The following EYS variants were observed in gnomAD, a reference collection of about 807,000 sequenced individuals.
EYS encodes protein eyes shut homolog.
Under a neutral mutation model 282.1 loss-of-function variants are expected in EYS, and 250 were observed. The ratio of observed to expected loss-of-function variants is 0.89; its 90% confidence interval spans 0.80 to 0.98. The LOEUF (loss-of-function observed/expected upper bound fraction) is 0.98. Ranked by LOEUF, EYS falls within the 50% of genes least tolerant of loss-of-function variation. The pLI, the probability that EYS is intolerant of heterozygous loss-of-function variation, is 0.00. For synonymous variants in EYS, 1,355 were observed against 1,282.9 expected (o/e 1.06, Z -1.20); for missense variants, 4,016 against 3,709.0 (o/e 1.08, Z -2.15).
rs1199002175 is a variant in EYS, at chr6:64,802,023, C to CTTTTTTTTTTTTTTTTTTTTTTTTTTTTT, written c.3443+11354_3443+11355insAAAAAAAAAAAAAAAAAAAAAAAAAAAAA. 2.8e-5 allele frequency among the ~76,000 whole-genome samples: 2 copies of CTTTTTTTTTTTTTTTTTTTTTTTTTTTTT among 70,780 alleles called. 1 individual carries two copies. Among genetic ancestry groups the CTTTTTTTTTTTTTTTTTTTTTTTTTTTTT allele is most frequent in the Non-Finnish European group, 5.4e-5 (2 of 37,032 alleles). The allele number at this position is 70,780 out of a possible 152,430, so 46.4% of individuals were successfully genotyped here. On this transcript the variant is annotated intron_variant, in intron 22 of 42. Transcript: ENST00000503581. ...AGAGAGTTATAACAAATTTCTTTTT[C>CTTTTTTTTTTTTTTTTTTTTTTTTTTTTT]TTTTTTTTTCTTTTTTTTTTTTTTT... is the stretch of plus-strand genomic sequence containing the variant.
At chr6:64,643,957 A>G (rs543854405) in intron 22 of EYS, among the ~76,000 whole-genome samples, 1 of 152,322 alleles carries the variant, frequency 6.6e-6, no homozygotes, top group African/African-American at 2.4e-5. Context: ...TCTGTAAGGC[A>G]CTGAAGTGAT....
chr6:65,529,263 T>A (rs1196639934), intron 2 of EYS, among the ~76,000 whole-genome samples: 1 of 152,198 alleles, frequency 6.6e-6, no homozygotes, highest in South Asian at 2.1e-4. Flanking sequence ...ATGTTCTGGC[T>A]TTTGGATGCT....
intron 30 of EYS, among the ~76,000 whole-genome samples, chr6:64,303,375 C>G (rs1025426501): frequency 3.9e-5 from 6 of 152,176 alleles, no homozygotes; most frequent in African/African-American, 1.4e-4. Flanking sequence ...AGCTGGAATA[C>G]GAGCAGTGAC....
At chr6:64,132,056 G>A (rs1773996470) in intron 31 of EYS, among the ~76,000 whole-genome samples, 1 of 151,910 alleles carries the variant, frequency 6.6e-6, no homozygotes, top group Non-Finnish European at 1.5e-5. Context: ...GTTGTATAAT[G>A]TATTCATTTT....
chr6:64,300,931 G>A (rs1769212163), intron 30 of EYS, among the ~76,000 whole-genome samples: 1 of 152,208 alleles, frequency 6.6e-6, no homozygotes, highest in Non-Finnish European at 1.5e-5. Context: ...TCAGTATCAT[G>A]TAAATCAAGC....
intron 22 of EYS, among the ~76,000 whole-genome samples, chr6:64,657,435 G>A (rs1768792018): frequency 6.6e-6 from 1 of 152,204 alleles, no homozygotes; most frequent in African/African-American, 2.4e-5. Context: ...AGTTGATGCA[G>A]TTTCTTCCTA....
intron 35 of EYS, among the ~76,000 whole-genome samples, chr6:63,902,754 C>G (rs1212653986): frequency 6.6e-6 from 1 of 151,314 alleles, no homozygotes; most frequent in Non-Finnish European, 1.5e-5. Context: ...AAAGGGAATT[C>G]AAATAGTATG....
intron 26 of EYS, among the ~76,000 whole-genome samples, chr6:64,525,352 A>G (rs1777882087): frequency 6.6e-6 from 1 of 151,908 alleles, no homozygotes; most frequent in South Asian, 2.1e-4. Flanking sequence ...CATTAAAAAG[A>G]ATGAAATCAT....
chr6:64,570,967 C>T (rs756498172), intron 26 of EYS, among the ~76,000 whole-genome samples: 3 of 152,152 alleles, frequency 2.0e-5, no homozygotes, highest in Admixed American at 2.0e-4. Context: ...CCCAGATCAA[C>T]AGAATATACA....
In EYS at chr6:64,358,309, C is replaced by T. The variant is rs1771897223; in HGVS notation, c.6078+30381G>A. On this transcript the variant is annotated intron_variant, in intron 29 of 42. Transcript: ENST00000503581. Reference sequence around the variant, plus strand: ...AAAGTTATGATGCTTCTGAACTCTTCCTGGTATGTTAAACCTGCTTCAAAG... The same window carrying T: ...AAAGTTATGATGCTTCTGAACTCTTTCTGGTATGTTAAACCTGCTTCAAAG... Among the ~76,000 whole-genome samples the T allele has an allele frequency of 2.0e-5, 3 of 151,736 alleles. No individual in the cohort carries two copies. In the South Asian group the frequency reaches 6.2e-4, roughly 31 times the overall value.
intron 7 of EYS, 138 bp downstream of exon 7, chr6:65,402,340 T>G: frequency 2.0e-6 from 1 of 508,952 alleles, no homozygotes; most frequent in Non-Finnish European, 3.4e-6. Flanking sequence ...CAAAAAAAAT[T>G]TACTTTAACT....
At chr6:64,925,596 G>C (rs1445897309) in intron 15 of EYS, among the ~76,000 whole-genome samples, 1 of 152,192 alleles carries the variant, frequency 6.6e-6, no homozygotes, top group African/African-American at 2.4e-5. Flanking sequence ...AATGGGCTAT[G>C]AAGTAGATCT....
chr6:65,099,799 G>A (rs1321693431), intron 12 of EYS, among the ~76,000 whole-genome samples: 3 of 150,554 alleles, frequency 2.0e-5, no homozygotes, highest in Non-Finnish European at 3.0e-5. Flanking sequence ...ACATATCTCC[G>A]GACTGCTGCA....
intron 26 of EYS, among the ~76,000 whole-genome samples, chr6:64,481,576 A>G (rs1458605413): frequency 6.6e-6 from 1 of 151,528 alleles, no homozygotes; most frequent in African/African-American, 2.4e-5. Context: ...AGAGATTAAT[A>G]CGAAATTTAG....
intron 26 of EYS, among the ~76,000 whole-genome samples, chr6:64,469,650 G>A (rs568147295): frequency 6.6e-6 from 1 of 152,134 alleles, no homozygotes; most frequent in Non-Finnish European, 1.5e-5. Flanking sequence ...CGTAGTCTAG[G>A]GATAGCGTTA....
intron 30 of EYS, among the ~76,000 whole-genome samples, chr6:64,284,099 A>G (rs1025628287): frequency 6.6e-6 from 1 of 152,170 alleles, no homozygotes; most frequent in Non-Finnish European, 1.5e-5. Context: ...GTGTTAACTC[A>G]TTTCAACATT....
intron 30 of EYS, among the ~76,000 whole-genome samples, chr6:64,289,342 C>T (rs564007982): frequency 6.6e-6 from 1 of 152,172 alleles, no homozygotes; most frequent in East Asian, 1.9e-4. Context: ...TTTTGGGCAA[C>T]ATAAAATCTC....
At chr6:63,919,113 T>G (rs889348137) in intron 35 of EYS, among the ~76,000 whole-genome samples, 1 of 151,990 alleles carries the variant, frequency 6.6e-6, no homozygotes, top group African/African-American at 2.4e-5. Context: ...AAGTAAATTT[T>G]GGGGAGAAAG....
At chr6:64,874,151 C>T (rs970480712) in intron 19 of EYS, among the ~76,000 whole-genome samples, 3 of 152,004 alleles carry the variant, frequency 2.0e-5, no homozygotes, top group African/African-American at 4.8e-5. Flanking sequence ...CATTGACTTT[C>T]GGAGATGCCA....
Sources: gnomAD v4.1 joint callset for allele counts (sites outside exome capture counted in the v4.1 genomes callset) on GRCh38, gnomAD v4.1.1 for gene constraint, MANE v1.5 for transcripts, NCBI Gene and HGNC (gene_info 2026-07-23, HGNC 2026-07-21) for gene names.